JAM3: variants seen among roughly 807,000 people sequenced by gnomAD.
JAM3 encodes the protein junctional adhesion molecule 3, also known as junctional adhesion molecule C.
JAM3 carries 31 observed loss-of-function variants against 39.4 expected under a neutral mutation model. The ratio of observed to expected loss-of-function variants is 0.79; its 90% CI spans 0.59 to 1.06. The LOEUF (loss-of-function observed/expected upper bound fraction) is 1.06. JAM3 is among the 50% of genes least tolerant of loss of function. The probability of loss-of-function intolerance (pLI) is 0.00; values close to 1 mark genes in which losing one functional copy is unlikely to be tolerated. For synonymous variants in JAM3, 182 were observed against 148.7 expected (o/e 1.22, Z -1.63); for missense variants, 455 against 391.4 (o/e 1.16, Z -1.37).
intron 4 of JAM3, 67 bp downstream of exon 4, chr11:134,144,460 T>G: frequency 6.3e-7 from 1 of 1,577,002 alleles, no homozygotes; most frequent in Middle Eastern, 1.8e-4. Flanking sequence ...GTGTCTTGGT[T>G]TCTTTCCTTC....
rs551405568 is a variant in JAM3 at position 134,108,775 on chromosome 11, A to T, written c.77-31076A>T. On this transcript the variant is annotated intron_variant, in intron 1 of 8. Transcript: ENST00000299106. ...TGATAAAAAAAACTTTTGGAATAGG[A>T]AGGAACTTCCTGAGACAGACAACAG... Among the ~76,000 whole-genome samples the T allele has an allele frequency of 2.0e-5, 3 of 152,310 alleles. No homozygotes were observed. In the South Asian group the frequency reaches 6.2e-4, roughly 32 times the overall value.
chr11:134,140,801 C>T, intron 3 of JAM3, 31 bp downstream of exon 3: 2 of 1,591,842 alleles, frequency 1.3e-6, no homozygotes, highest in Non-Finnish European at 1.7e-6. Flanking sequence ...TGCCTGCTGA[C>T]CTTTCCTCTG....
Position 134,144,242 on chromosome 11 carries a change from A to C in JAM3, c.258A>C (p.Gly86=). ...TAGTGCCTCGTGTCTTTTCTGTAGGAGACTTGGCGGGTCGTGCAGAAATAC... is the reference window on the plus strand; with the variant it reads ...TAGTGCCTCGTGTCTTTTCTGTAGGCGACTTGGCGGGTCGTGCAGAAATAC... ...TYVFFDNKIQ[G]DLAGRAEILG... Residue 86 remains glycine, a splice_region_variant and synonymous_variant, in exon 4 of 9, where the codon GGA becomes GGC. Coordinates refer to ENST00000299106, the MANE Select transcript of JAM3 (RefSeq NM_032801.5). The C allele has an allele frequency of 6.2e-7, 1 of 1,614,174 alleles. No homozygotes were observed. Among genetic ancestry groups the C allele is most frequent in the Non-Finnish European group, 8.5e-7 (1 of 1,180,028 alleles).
chr11:134,100,884 A>G (rs1290691836), intron 1 of JAM3, among the ~76,000 whole-genome samples: 1 of 152,200 alleles, frequency 6.6e-6, no homozygotes, highest in East Asian at 1.9e-4. Context: ...TTACTAGACA[A>G]ACACTTAGTT....
chr11:134,147,890 C>T (rs1447078296), intron 6 of JAM3: 2 of 153,484 alleles, frequency 1.3e-5, no homozygotes, highest in East Asian at 1.9e-4. Flanking sequence ...TTGATAAATT[C>T]CCTGCATAGT....
intron 1 of JAM3, among the ~76,000 whole-genome samples, chr11:134,107,009 A>G (rs559744848): frequency 4.5e-4 from 68 of 152,290 alleles, no homozygotes; most frequent in Non-Finnish European, 7.6e-4. Flanking sequence ...TATAAATCAT[A>G]CTGCTATAAA....
chr11:134,147,338 C>T (rs1277790516), intron 6 of JAM3, among the ~76,000 whole-genome samples: 1 of 150,746 alleles, frequency 6.6e-6, no homozygotes, highest in Non-Finnish European at 1.5e-5. Flanking sequence ...CCTGTAGTCC[C>T]AGTAACTTGG....
chr11:134,110,022 G>A (rs997987588), intron 1 of JAM3, among the ~76,000 whole-genome samples: 1 of 152,118 alleles, frequency 6.6e-6, no homozygotes, highest in Non-Finnish European at 1.5e-5. Context: ...AGTAACTGTA[G>A]CAGAGATCTT....
chr11:134,076,739 C>G (rs368537205), intron 1 of JAM3, among the ~76,000 whole-genome samples: 2 of 151,648 alleles, frequency 1.3e-5, no homozygotes, highest in Admixed American at 1.3e-4. Context: ...GACGAGGTCT[C>G]ACTATATTGC....
At chr11:134,116,625 C>G in intron 1 of JAM3, among the ~76,000 whole-genome samples, 1 of 151,958 alleles carries the variant, frequency 6.6e-6, no homozygotes, top group East Asian at 1.9e-4. Flanking sequence ...TTTTCCCTGT[C>G]CTAGAATCAG....
intron 3 of JAM3, among the ~76,000 whole-genome samples, chr11:134,141,337 G>T (rs566116445): frequency 6.6e-6 from 1 of 152,102 alleles, no homozygotes; most frequent in Non-Finnish European, 1.5e-5. Context: ...ATGGAGGGAG[G>T]TGGTGATCAG....
intron 3 of JAM3, among the ~76,000 whole-genome samples, chr11:134,142,079 C>T (rs192266201): frequency 3.9e-5 from 6 of 152,242 alleles, no homozygotes; most frequent in African/African-American, 1.4e-4. Context: ...TCTTTGGCTA[C>T]TCAGGCTGAC....
chr11:134,128,695 C>T (rs1286820196), intron 1 of JAM3, among the ~76,000 whole-genome samples: 1 of 150,590 alleles, frequency 6.6e-6, no homozygotes, highest in African/African-American at 2.5e-5. Flanking sequence ...GTGCCTGCTT[C>T]CCCTATGCCT....
intron 1 of JAM3, among the ~76,000 whole-genome samples, chr11:134,110,248 A>C (rs1942283924): frequency 6.6e-6 from 1 of 152,174 alleles, no homozygotes; most frequent in Non-Finnish European, 1.5e-5. Flanking sequence ...AATTTGGAAA[A>C]GTGTGATTAA....
intron 1 of JAM3, among the ~76,000 whole-genome samples, chr11:134,120,970 A>G (rs1287354157): frequency 6.6e-6 from 1 of 152,246 alleles, no homozygotes; most frequent in African/African-American, 2.4e-5. Context: ...AGCAGGCGTC[A>G]TCCTCATGCT....
intron 1 of JAM3, among the ~76,000 whole-genome samples, chr11:134,113,655 G>A (rs1436108316): frequency 1.3e-5 from 2 of 152,168 alleles, no homozygotes; most frequent in Admixed American, 6.5e-5. Flanking sequence ...ATAAACATCC[G>A]TGTGCATGTG....
intron 6 of JAM3, chr11:134,148,108 C>CT (rs763505238): frequency 2.4e-4 from 56 of 233,050 alleles, no homozygotes; most frequent in Non-Finnish European, 4.1e-4. Context: ...GAGACAGATT[C>CT]TTTAAGGCTT....
intron 1 of JAM3, among the ~76,000 whole-genome samples, chr11:134,072,629 G>A (rs1941500094): frequency 6.6e-6 from 1 of 152,218 alleles, no homozygotes. Context: ...TTTAAGATAT[G>A]TTTATAGTTG....
At chr11:134,125,019 C>T (rs369563213) in intron 1 of JAM3, among the ~76,000 whole-genome samples, 2 of 152,244 alleles carry the variant, frequency 1.3e-5, no homozygotes, top group African/African-American at 2.4e-5. Context: ...GCGCGACACC[C>T]GCCCGGTGGC....
Sources: gnomAD v4.1 joint callset for allele counts (sites outside exome capture counted in the v4.1 genomes callset) on GRCh38, gnomAD v4.1.1 for gene constraint, MANE v1.5 for transcripts, NCBI Gene and HGNC (gene_info 2026-07-23, HGNC 2026-07-21) for gene names.